Variants in PECR observed in about 807,000 individuals in gnomAD.
PECR encodes 2,4-dienoyl-CoA reductase-related protein.
In PECR, 30 loss-of-function variants were observed where a neutral mutation model predicts 35.3. The observed-to-expected ratio is 0.85, with a 90% CI of 0.64 to 1.15. The LOEUF is 1.15. Among genes scored for constraint, PECR ranks in the 50% most tolerant of loss-of-function variants. The probability of loss-of-function intolerance (pLI) is 0.00; values close to 1 mark genes in which losing one functional copy is unlikely to be tolerated. For synonymous variants in PECR, 148 were observed against 138.9 expected (o/e 1.07, Z -0.46); for missense variants, 392 against 370.8 (o/e 1.06, Z -0.47).
In PECR at chr2:216,061,092, G is replaced by A. The variant is rs75241161; in HGVS notation, c.425-2116C>T. On this transcript the variant is annotated intron_variant, in intron 3 of 7. Transcript: ENST00000265322. ...GGATGGCTTCAGCCCAGGAGTTTGA[G>A]ACCAGCCTCGGCAACAAGGGGAGAC... is the stretch of plus-strand genomic sequence containing the variant. 9.1e-3 allele frequency among the ~76,000 whole-genome samples: 1,200 copies of A among 131,284 alleles called. 23 individuals are homozygous for A. The highest frequency in any genetic ancestry group is 0.033 in the African/African-American group (1,131 of 34,330). The allele number at this position is 131,284 out of a possible 152,430, so 86.1% of individuals were successfully genotyped here.
At chr2:216,079,182 A>ATT (rs1156631976) in intron 1 of PECR, among the ~76,000 whole-genome samples, 3 of 137,618 alleles carry the variant, frequency 2.2e-5, no homozygotes, top group East Asian at 2.1e-4. Context: ...AAAAACATAG[A>ATT]TTTTTTTTTT....
Position 216,041,575 on chromosome 2 carries a change from T to A in PECR, c.827-2215A>T, listed in dbSNP as rs1694887841. Among the ~76,000 whole-genome samples, 3 of 152,306 alleles carry A rather than the reference T, an allele frequency of 2.0e-5. No individual in the cohort carries two copies. The East Asian group carries it at 5.8e-4, about 29-fold the overall frequency. On this transcript the variant is annotated intron_variant, in intron 7 of 7. Transcript: ENST00000265322. ...CATCTCCCGCATACAACTCCTAATA[T>A]CCTAGACTCGCCAAAGTGATGTGTT...
intron 4 of PECR, among the ~76,000 whole-genome samples, chr2:216,055,293 C>T (rs1298828561): frequency 6.6e-6 from 1 of 151,408 alleles, no homozygotes; most frequent in Admixed American, 6.6e-5. Context: ...CTAAATTAGC[C>T]GGGCATGGTG....
intron 3 of PECR, among the ~76,000 whole-genome samples, chr2:216,059,408 C>T (rs577453963): frequency 5.5e-4 from 84 of 152,288 alleles, no homozygotes; most frequent in African/African-American, 1.8e-3. Flanking sequence ...GGTTCATCCA[C>T]GTTGTAATGT....
intron 2 of PECR, among the ~76,000 whole-genome samples, chr2:216,066,027 G>C (rs1301133213): frequency 6.6e-6 from 1 of 152,200 alleles, no homozygotes; most frequent in African/African-American, 2.4e-5. Flanking sequence ...AGGAGGCTGA[G>C]TCAGGAGAAT....
chr2:216,069,934 C>CAA (rs35689726), intron 1 of PECR, among the ~76,000 whole-genome samples: 3 of 101,276 alleles, frequency 3.0e-5, no homozygotes, highest in South Asian at 7.7e-4. Context: ...AAGACTCTGT[C>CAA]AAAAAAAAAA....
At chr2:216,078,240 AC>A (rs1252555519) in intron 1 of PECR, among the ~76,000 whole-genome samples, 4 of 152,172 alleles carry the variant, frequency 2.6e-5, no homozygotes, top group African/African-American at 9.6e-5. Flanking sequence ...CGAGTTCAAG[AC>A]CAGCCTGGCC....
At chr2:216,034,973 C>G (rs139040981), downstream of PECR, among the ~76,000 whole-genome samples, 32 of 152,314 alleles carry the variant, frequency 2.1e-4, no homozygotes, top group Admixed American at 5.9e-4. Flanking sequence ...GTCAACGGAG[C>G]TGTCACTGCC....
chr2:216,036,854 G>A (rs976241607), downstream of PECR, among the ~76,000 whole-genome samples: 7 of 152,228 alleles, frequency 4.6e-5, no homozygotes, highest in Admixed American at 4.6e-4. Context: ...CATAAGATTA[G>A]TGTGGGGGAG....
chr2:216,037,736 T>C (rs970599539), downstream of PECR, among the ~76,000 whole-genome samples: 4 of 152,070 alleles, frequency 2.6e-5, no homozygotes, highest in South Asian at 2.1e-4. Flanking sequence ...ATGAGAAAGC[T>C]GCAGATTCTG....
chr2:216,076,871 G>T (rs945372040), intron 1 of PECR, among the ~76,000 whole-genome samples: 1 of 150,862 alleles, frequency 6.6e-6, no homozygotes, highest in African/African-American at 2.4e-5. Flanking sequence ...GGGAAAAATA[G>T]AATTCTAAAC....
intron 3 of PECR, among the ~76,000 whole-genome samples, chr2:216,059,666 C>T (rs952818091): frequency 1.3e-5 from 2 of 152,182 alleles, no homozygotes; most frequent in Non-Finnish European, 2.9e-5. Context: ...TTTCTACACG[C>T]CACTGCTGTC....
chr2:216,055,443 A>C (rs201083159), intron 4 of PECR, among the ~76,000 whole-genome samples: 17,171 of 140,968 alleles, frequency 0.12, 1,469 homozygotes, highest in South Asian at 0.23. Context: ...ATCTCAAAAA[A>C]AAAAAACAAA....
intron 3 of PECR, among the ~76,000 whole-genome samples, chr2:216,062,293 AC>A (rs777363064): frequency 6.6e-5 from 10 of 151,994 alleles, no homozygotes; most frequent in Non-Finnish European, 1.2e-4. Flanking sequence ...TGATCCGCCC[AC>A]CTCGGCCTTC....
At chr2:216,077,060 T>A (rs941489167) in intron 1 of PECR, among the ~76,000 whole-genome samples, 2 of 151,608 alleles carry the variant, frequency 1.3e-5, no homozygotes, top group African/African-American at 4.8e-5. Context: ...CCACCTCGCC[T>A]GGCTAATTTT....
At chr2:216,047,165 G>A (rs1695012012) in intron 6 of PECR, among the ~76,000 whole-genome samples, 1 of 152,026 alleles carries the variant, frequency 6.6e-6, no homozygotes, top group African/African-American at 2.4e-5. Context: ...GGCTGAGGCA[G>A]GAGAATCGCT....
In PECR at chr2:216,073,225, G is replaced by A. The variant is rs1188147417; in HGVS notation, c.125-6707C>T. 4.6e-5 allele frequency among the ~76,000 whole-genome samples: 7 copies of A among 152,198 alleles called. No individual in the cohort carries two copies. The East Asian group carries it at 1.3e-3, about 29-fold the overall frequency. On this transcript the variant is annotated intron_variant, in intron 1 of 7. Coordinates refer to ENST00000265322, the MANE Select transcript of PECR (RefSeq NM_018441.6). ...CCTTTCTCCTTTTGTTTCCAGGAGGGCCCTCTTCTTCCAGCAGGAAAAATA... is the reference window on the plus strand; with the variant it reads ...CCTTTCTCCTTTTGTTTCCAGGAGGACCCTCTTCTTCCAGCAGGAAAAATA...
At chr2:216,069,458 G>C (rs1180862535) in intron 1 of PECR, among the ~76,000 whole-genome samples, 1 of 152,214 alleles carries the variant, frequency 6.6e-6, no homozygotes, top group Non-Finnish European at 1.5e-5. Context: ...AACACTGGAA[G>C]CGAAATTAGA....
rs1413493863 is a variant in PECR, at chr2:216,046,308, A to ATTT, written c.715-2294_715-2293insAAA. 5.3e-4 allele frequency among the ~76,000 whole-genome samples: 59 copies of ATTT among 112,092 alleles called. 1 individual carries two copies. Among genetic ancestry groups the ATTT allele is most frequent in the African/African-American group, 2.2e-3 (52 of 23,522 alleles). 73.5% of individuals were successfully genotyped at this position (112,092 alleles called of 152,430 possible). A position where few individuals can be genotyped will look rare whatever the true frequency, so the allele number is the denominator to read the frequency against. ...TATATACATACATATATATATATAT[A>ATTT]TATTTTTTTTTTTTTTTTTTTTGAG... On this transcript the variant is annotated intron_variant, in intron 6 of 7. Transcript: ENST00000265322.
Sources: gnomAD v4.1 joint callset for allele counts (sites outside exome capture counted in the v4.1 genomes callset) on GRCh38, gnomAD v4.1.1 for gene constraint, MANE v1.5 for transcripts, NCBI Gene and HGNC (gene_info 2026-07-23, HGNC 2026-07-21) for gene names.